Variants in HIBADH observed in about 807,000 individuals in gnomAD.
HIBADH encodes the protein 3-hydroxyisobutyrate dehydrogenase, mitochondrial.
HIBADH carries 25 observed loss-of-function variants against 36.1 expected under a neutral mutation model. The observed-to-expected ratio is 0.69, with a 90% confidence interval of 0.50 to 0.97. The LOEUF is 0.97. Among genes scored for constraint, HIBADH ranks in the 50% least tolerant of loss-of-function variants. HIBADH has a pLI of 0.00. For missense variants in HIBADH, 421 were observed against 418.0 expected, an observed-to-expected ratio of 1.01 and a Z score of -0.06; for synonymous variants, 160 against 149.5, an observed-to-expected ratio of 1.07 and a Z score of -0.51.
In HIBADH at chr7:27,543,037, G is replaced by A; in HGVS notation, c.548C>T (p.Ala183Val). The A allele has an allele frequency of 4.3e-6, 7 of 1,613,796 alleles. No homozygotes were observed. The highest frequency in any genetic ancestry group is 5.9e-6 in the Non-Finnish European group (7 of 1,179,872). Residue 183 changes from alanine to valine, a missense_variant, in exon 5 of 8, where the codon GCT (alanine) becomes GTT (valine). Ala to Val is a moderately conservative substitution (Grantham distance 64). Coordinates refer to ENST00000265395, the MANE Select transcript of HIBADH (RefSeq NM_152740.4). ...FMVGGVEDEF[A>V]AAQELLGCMG... ...GCACCCCAGCAACTCTTGGGCAGCA[G>A]CAAATTCATCTTCAACTCCTCCCAC...
intron 4 of HIBADH, among the ~76,000 whole-genome samples, chr7:27,610,550 T>C (rs1785305162): frequency 6.6e-6 from 1 of 152,200 alleles, no homozygotes; most frequent in Non-Finnish European, 1.5e-5. Flanking sequence ...GAGGTAAGAA[T>C]AAAACATAAG....
At chr7:27,537,192 T>C (rs1255165266) in intron 6 of HIBADH, among the ~76,000 whole-genome samples, 1 of 152,186 alleles carries the variant, frequency 6.6e-6, no homozygotes, top group African/African-American at 2.4e-5. Flanking sequence ...TGCTTTACCA[T>C]CTTATGGACA....
At chr7:27,544,140 A>G (rs906960721) in intron 4 of HIBADH, among the ~76,000 whole-genome samples, 2 of 152,218 alleles carry the variant, frequency 1.3e-5, no homozygotes, top group Non-Finnish European at 2.9e-5. Flanking sequence ...TCTGGCCATT[A>G]GACAGCTGCA....
In HIBADH at chr7:27,645,371, T is replaced by G. The variant is rs76589802; in HGVS notation, c.252+4102A>C. On this transcript the variant is annotated intron_variant, in intron 2 of 7. Coordinates refer to ENST00000265395, the MANE Select transcript of HIBADH (RefSeq NM_152740.4). Reference sequence around the variant, plus strand: ...GTGGGTGTGTCTCATGGTTTTGATTTTTTTTTTTTTTTTTTTTTTTTTTTG... The same window carrying G: ...GTGGGTGTGTCTCATGGTTTTGATTGTTTTTTTTTTTTTTTTTTTTTTTTG... 1.3e-4 allele frequency among the ~76,000 whole-genome samples: 14 copies of G among 111,118 alleles called. 2 individuals are homozygous for G. The highest frequency in any genetic ancestry group is 1.8e-4 in the African/African-American group (4 of 22,484). The allele number at this position is 111,118 out of a possible 152,430, so 72.9% of individuals were successfully genotyped here. A position where few individuals can be genotyped will look rare whatever the true frequency, so the allele number is the denominator to read the frequency against.
At chr7:27,542,413 A>T (rs963625714) in intron 5 of HIBADH, among the ~76,000 whole-genome samples, 6 of 146,230 alleles carry the variant, frequency 4.1e-5, no homozygotes, top group Non-Finnish European at 6.0e-5. Flanking sequence ...ACATGTCAAG[A>T]TCCTAATAAT....
At chr7:27,624,944 T>C (rs1022218170) in intron 4 of HIBADH, among the ~76,000 whole-genome samples, 4 of 152,232 alleles carry the variant, frequency 2.6e-5, no homozygotes, top group Non-Finnish European at 5.9e-5. Flanking sequence ...AAAAGACACC[T>C]TTCCATGGTG....
chr7:27,528,325 A>C (rs561103360), intron 7 of HIBADH, among the ~76,000 whole-genome samples: 1 of 152,272 alleles, frequency 6.6e-6, no homozygotes, highest in Admixed American at 6.5e-5. Flanking sequence ...TTTAAATCAA[A>C]AGCTAGAAAT....
At chr7:27,558,696 A>G (rs1784426685) in intron 4 of HIBADH, among the ~76,000 whole-genome samples, 1 of 152,098 alleles carries the variant, frequency 6.6e-6, no homozygotes, top group African/African-American at 2.4e-5. Flanking sequence ...CCCAGTCTCA[A>G]AAACAAAAAA....
chr7:27,550,705 ACTACT>A (rs1428868963), intron 4 of HIBADH, among the ~76,000 whole-genome samples: 1 of 152,094 alleles, frequency 6.6e-6, no homozygotes, highest in African/African-American at 2.4e-5. Context: ...AAGCACTTAC[ACTACT>A]CTAATCAATG....
At chr7:27,613,665 G>GGTT (rs779303392) in intron 4 of HIBADH, among the ~76,000 whole-genome samples, 3 of 107,074 alleles carry the variant, frequency 2.8e-5, no homozygotes, top group African/African-American at 6.8e-5. Flanking sequence ...GGTTTTTTTT[G>GGTT]TTTTTTTTTT....
At position 27,649,604 on chromosome 7, in the gene HIBADH, G is replaced by A. The variant is rs1482308698; in HGVS notation, c.121C>T (p.Pro41Ser). ...TTGCCCAGTCCAATGAATCCAACTG[G>A]AGTCTTTGAAGCCACTGACCTAGAA... is the stretch of plus-strand genomic sequence containing the variant. ...VCSRSVASKT[P>S]VGFIGLGNMG... is the part of the protein sequence containing the mutation. The change falls in exon 2 of 8, where the codon CCA becomes TCA. Residue 41 changes from proline to serine, a missense_variant. Transcript: ENST00000265395. 3 of 1,613,526 alleles carry A rather than the reference G, an allele frequency of 1.9e-6. 1 individual carries two copies. The Admixed American group carries it at 5.0e-5, about 27-fold the overall frequency.
At chr7:27,650,292 A>C (rs1341585649) in intron 1 of HIBADH, among the ~76,000 whole-genome samples, 3 of 150,308 alleles carry the variant, frequency 2.0e-5, no homozygotes, top group Non-Finnish European at 4.4e-5. Flanking sequence ...AAAAAAAAAA[A>C]CTCAAAAAGA....
At chr7:27,610,399 T>C (rs1785303144) in intron 4 of HIBADH, among the ~76,000 whole-genome samples, 1 of 152,190 alleles carries the variant, frequency 6.6e-6, no homozygotes, top group Admixed American at 6.5e-5. Context: ...GTGGTTGCTT[T>C]GTGGTAAGAA....
chr7:27,570,397 T>C (rs985892014), intron 4 of HIBADH, among the ~76,000 whole-genome samples: 11 of 152,186 alleles, frequency 7.2e-5, no homozygotes, highest in Non-Finnish European at 1.6e-4. Flanking sequence ...AGGTCTGCTA[T>C]TAACACAAAA....
At chr7:27,628,953 T>C (rs1195642815) in intron 4 of HIBADH, among the ~76,000 whole-genome samples, 1 of 152,140 alleles carries the variant, frequency 6.6e-6, no homozygotes, top group African/African-American at 2.4e-5. Flanking sequence ...CTTGAAATTT[T>C]GGTAATATTC....
chr7:27,656,676 A>G (rs1249703858), intron 1 of HIBADH, among the ~76,000 whole-genome samples: 1 of 152,192 alleles, frequency 6.6e-6, no homozygotes, highest in African/African-American at 2.4e-5. Flanking sequence ...AGTTGAAGAA[A>G]ATTTTACTTT....
At chr7:27,548,038 G>A (rs917580447) in intron 4 of HIBADH, among the ~76,000 whole-genome samples, 2 of 151,966 alleles carry the variant, frequency 1.3e-5, no homozygotes, top group African/African-American at 2.4e-5. Context: ...AAAAGCAAAT[G>A]CCCAAACTAT....
At chr7:27,586,086 T>A (rs1041723031) in intron 4 of HIBADH, among the ~76,000 whole-genome samples, 1 of 152,198 alleles carries the variant, frequency 6.6e-6, no homozygotes, top group East Asian at 1.9e-4. Flanking sequence ...CTGCAATTTA[T>A]TCTTTAAAAA....
chr7:27,603,579 A>T (rs1785169467), intron 4 of HIBADH, among the ~76,000 whole-genome samples: 23 of 152,110 alleles, frequency 1.5e-4, no homozygotes, highest in Admixed American at 1.5e-3. Context: ...ATAAAGCCAA[A>T]ATGCCAGCTT....
Sources: allele counts gnomAD v4.1 joint callset (sites outside exome capture counted in the v4.1 genomes callset), GRCh38; gene constraint gnomAD v4.1.1; transcripts MANE v1.5; gene names NCBI Gene and HGNC (gene_info 2026-07-23, HGNC 2026-07-21).